The following C1orf21 variants were observed in gnomAD, a reference collection of about 807,000 sequenced individuals.
C1orf21 encodes the protein uncharacterized protein C1orf21.
A neutral mutation model predicts 18.7 loss-of-function variants in C1orf21; 3 were observed. The observed-to-expected ratio is 0.16, with a 90% CI of 0.07 to 0.42. C1orf21 has a LOEUF of 0.42. Ranked by LOEUF, C1orf21 falls within the 10% of genes least tolerant of loss-of-function variation. C1orf21 has a pLI of 0.99. For synonymous variants in C1orf21, 41 were observed against 46.4 expected (o/e 0.88, Z 0.47); for missense variants, 104 against 143.6 (o/e 0.72, Z 1.41).
intron 3 of C1orf21, among the ~76,000 whole-genome samples, chr1:184,548,978 A>T (rs1658772264): frequency 6.6e-6 from 1 of 152,170 alleles, no homozygotes; most frequent in South Asian, 2.1e-4. Context: ...ATTTTTTCCT[A>T]AAAATATTTT....
intron 1 of C1orf21, among the ~76,000 whole-genome samples, chr1:184,400,686 G>T (rs571947848): frequency 2.5e-4 from 27 of 107,722 alleles, no homozygotes; most frequent in African/African-American, 8.7e-4. Context: ...ATTTTTTGTT[G>T]TTGTTGTTGT....
rs114027119 is a variant in C1orf21, at chr1:184,605,265, C to T, written c.327+6804C>T. ...TGTTGCTTCAGCCCTGCAGAGAACACGCAGGGAGAGAAGGGTCCCACTCTT... is the reference window on the plus strand; with the variant it reads ...TGTTGCTTCAGCCCTGCAGAGAACATGCAGGGAGAGAAGGGTCCCACTCTT... On this transcript the variant is annotated intron_variant, in intron 5 of 5. Transcript: ENST00000235307. 4.2e-3 allele frequency among the ~76,000 whole-genome samples: 632 copies of T among 152,244 alleles called. 3 individuals carry two copies. Among genetic ancestry groups the T allele is most frequent in the African/African-American group, 0.013 (559 of 41,554 alleles).
chr1:184,549,672 G>A (rs968463753), intron 3 of C1orf21, among the ~76,000 whole-genome samples: 11 of 151,876 alleles, frequency 7.2e-5, no homozygotes, highest in Admixed American at 3.3e-4. Flanking sequence ...GAGCAGCAGG[G>A]AAGGAAGGGA....
intron 3 of C1orf21, among the ~76,000 whole-genome samples, chr1:184,549,148 C>G (rs12143271): frequency 0.25 from 37,988 of 151,914 alleles, 5,167 homozygotes; most frequent in African/African-American, 0.36. Flanking sequence ...GTGGTGGGCT[C>G]AAGTCCTGCT....
At chr1:184,392,031 T>C (rs946655430) in intron 1 of C1orf21, among the ~76,000 whole-genome samples, 1 of 152,220 alleles carries the variant, frequency 6.6e-6, no homozygotes, top group Non-Finnish European at 1.5e-5. Flanking sequence ...AATTTCTAGT[T>C]AGGAGCATCT....
At chr1:184,545,116 A>C (rs1007232709) in intron 3 of C1orf21, among the ~76,000 whole-genome samples, 1 of 152,166 alleles carries the variant, frequency 6.6e-6, no homozygotes, top group Non-Finnish European at 1.5e-5. Context: ...GGATTACACA[A>C]GGGTGTGAAT....
rs983828368 is a variant in C1orf21, at chr1:184,387,081, T to TGCCGCGGCC, written c.-400_-392dup. The stretch of plus-strand genomic sequence containing the variant: ...TGCCCACTCCCGGGGGGACGTTCCG[T>TGCCGCGGCC]GCCGCGGCCGCCGCGGCCGCTGCTT... On this transcript the variant is annotated 5_prime_UTR_variant, in exon 1 of 6. Transcript: ENST00000235307. The surrounding 1 kb of genome is among the most constrained non-coding windows in gnomAD (Gnocchi z 5.6). 3 of 151,378 alleles carry TGCCGCGGCC rather than the reference T, an allele frequency of 2.0e-5. No individual in the cohort carries two copies. Among genetic ancestry groups the TGCCGCGGCC allele is most frequent in the Non-Finnish European group, 3.0e-5 (2 of 67,776 alleles). The allele number at this position is 151,378 out of a possible 1,614,324, so 9.4% of individuals were successfully genotyped here.
At chr1:184,567,995 G>T (rs955573970) in intron 3 of C1orf21, among the ~76,000 whole-genome samples, 1 of 152,058 alleles carries the variant, frequency 6.6e-6, no homozygotes, top group African/African-American at 2.4e-5. Context: ...TGCACTCCAG[G>T]TGCACCATGG....
chr1:184,557,191 A>G (rs1315804235), intron 3 of C1orf21, among the ~76,000 whole-genome samples: 1 of 151,910 alleles, frequency 6.6e-6, no homozygotes, highest in African/African-American at 2.4e-5. Flanking sequence ...CTGTGCCATT[A>G]TTGTTCTTGT....
chr1:184,391,660 T>G (rs547348521), intron 1 of C1orf21, among the ~76,000 whole-genome samples: 6 of 152,326 alleles, frequency 3.9e-5, no homozygotes, highest in African/African-American at 1.2e-4. Flanking sequence ...TGAGACACAT[T>G]TGACAGGAAA....
chr1:184,403,944 A>C (rs1656203513), intron 1 of C1orf21, among the ~76,000 whole-genome samples: 1 of 152,206 alleles, frequency 6.6e-6, no homozygotes, highest in Non-Finnish European at 1.5e-5. Context: ...CATTTATGCA[A>C]AATATCATCA....
chr1:184,389,304 GA>G (rs2102055087), intron 1 of C1orf21, among the ~76,000 whole-genome samples: 1 of 152,266 alleles, frequency 6.6e-6, no homozygotes, highest in African/African-American at 2.4e-5. Flanking sequence ...TGTTTCCAAA[GA>G]AAAATGGCCT....
intron 5 of C1orf21, among the ~76,000 whole-genome samples, chr1:184,608,966 G>C (rs2102007282): frequency 6.6e-6 from 1 of 152,290 alleles, no homozygotes; most frequent in African/African-American, 2.4e-5. Context: ...TAGAAAGAGG[G>C]CCCTCCCATC....
intron 1 of C1orf21, among the ~76,000 whole-genome samples, chr1:184,435,878 GTT>G (rs1656849219): frequency 6.6e-6 from 1 of 152,342 alleles, no homozygotes; most frequent in Admixed American, 6.5e-5. Flanking sequence ...CTGAACAAAT[GTT>G]TTTCTAAAAT....
chr1:184,576,345 G>A (rs1444339482), intron 3 of C1orf21, among the ~76,000 whole-genome samples: 8 of 152,106 alleles, frequency 5.3e-5, no homozygotes, highest in Non-Finnish European at 7.4e-5. Flanking sequence ...GGCTGGTCTC[G>A]AACTCCTGAC....
At chr1:184,607,732 CA>C (rs1558013506) in intron 5 of C1orf21, among the ~76,000 whole-genome samples, 1 of 148,312 alleles carries the variant, frequency 6.7e-6, no homozygotes, top group East Asian at 2.0e-4. Flanking sequence ...TATATATATA[CA>C]TATATATGTG....
intron 2 of C1orf21, among the ~76,000 whole-genome samples, chr1:184,496,352 C>G (rs1657893444): frequency 6.6e-6 from 1 of 152,148 alleles, no homozygotes; most frequent in East Asian, 1.9e-4. Flanking sequence ...TGGAAACTGA[C>G]ATAGTGAGAG....
At chr1:184,611,190 G>A (rs1326072245) in intron 5 of C1orf21, among the ~76,000 whole-genome samples, 1 of 152,210 alleles carries the variant, frequency 6.6e-6, no homozygotes, top group Non-Finnish European at 1.5e-5. Context: ...TTCTAATGAA[G>A]TAATCCAGGG....
intron 2 of C1orf21, among the ~76,000 whole-genome samples, chr1:184,493,839 T>C: frequency 6.6e-6 from 1 of 152,216 alleles, no homozygotes; most frequent in East Asian, 1.9e-4. Context: ...TTGTTTCCCA[T>C]GATGCAATTG....
Sources: gnomAD v4.1 joint callset for allele counts (sites outside exome capture counted in the v4.1 genomes callset) on GRCh38, gnomAD v4.1.1 for gene constraint, Gnocchi (gnomAD v3.1) non-coding constraint, MANE v1.5 for transcripts, NCBI Gene and HGNC (gene_info 2026-07-23, HGNC 2026-07-21) for gene names.